STMN2: variants seen among roughly 807,000 people sequenced by gnomAD.
STMN2 encodes stathmin 2, also known as stathmin-2.
STMN2 carries 2 observed loss-of-function variants against 24.1 expected under a neutral mutation model. The observed-to-expected ratio is 0.08, with a 90% confidence interval of 0.03 to 0.26. The LOEUF is 0.26. Among genes scored for constraint, STMN2 ranks in the 10% least tolerant of loss-of-function variants. The probability of loss-of-function intolerance (pLI) is 1.00; values close to 1 mark genes in which losing one functional copy is unlikely to be tolerated. For missense variants in STMN2, 114 were observed against 213.6 expected (o/e 0.53, Z 2.91); for synonymous variants, 83 against 77.5 (o/e 1.07, Z -0.37).
chr8:79,641,235 A>G, intron 2 of STMN2, 143 bp from the exon 3 acceptor site: 2 of 780,682 alleles, frequency 2.6e-6, no homozygotes, highest in South Asian at 1.9e-5. Flanking sequence ...TCTAAACAAC[A>G]TAGAGCAAAT....
At chr8:79,624,629 T>C (rs1247287996) in intron 1 of STMN2, among the ~76,000 whole-genome samples, 1 of 152,166 alleles carries the variant, frequency 6.6e-6, no homozygotes, top group African/African-American at 2.4e-5. Flanking sequence ...CATGAAATTA[T>C]TCTATCCAGA....
chr8:79,641,445 A>G lies in STMN2; in HGVS notation c.183A>G (p.Pro61=), dbSNP rs200902368. 8.6e-5 allele frequency: 139 copies of G among 1,614,144 alleles called. No individual in the cohort carries two copies. The Admixed American group carries it at 2.1e-3, about 25-fold the overall frequency. ...GQAFELILKP[P]SPISEAPRTL... is the part of the protein sequence containing the mutation. ...CTTTTGAGCTGATCTTGAAGCCACCATCTCCTATCTCAGAAGCCCCACGAA... is the reference window on the plus strand; with the variant it reads ...CTTTTGAGCTGATCTTGAAGCCACCGTCTCCTATCTCAGAAGCCCCACGAA... Residue 61 remains proline, a synonymous_variant, in exon 3 of 5, where the codon CCA becomes CCG. Transcript: ENST00000220876.
At chr8:79,654,633 T>G (rs1046608248) in intron 3 of STMN2, among the ~76,000 whole-genome samples, 2 of 152,164 alleles carry the variant, frequency 1.3e-5, no homozygotes, top group Non-Finnish European at 2.9e-5. Flanking sequence ...ATTAAATGCT[T>G]CTTCTTCTAA....
At chr8:79,613,842 G>A (rs1809311733) in intron 1 of STMN2, 3 of 983,722 alleles carry the variant, frequency 3.0e-6, no homozygotes, top group Non-Finnish European at 3.6e-6. Flanking sequence ...TGTTCATGTG[G>A]CTAAGATACA....
intron 1 of STMN2, among the ~76,000 whole-genome samples, chr8:79,630,054 T>C (rs1809762925): frequency 6.6e-6 from 1 of 152,176 alleles, no homozygotes; most frequent in African/African-American, 2.4e-5. Flanking sequence ...AGGTTTGTGG[T>C]ACAAATTGCT....
Position 79,654,585 on chromosome 8 carries a change from A to G in STMN2, c.289-286A>G, listed in dbSNP as rs554524993. Reference sequence around the variant, plus strand: ...CTGTTGCATAAACGCTTAGCAACAAAGCCTTTTTTTAAAAAAATTTGTAAC... The same window carrying G: ...CTGTTGCATAAACGCTTAGCAACAAGGCCTTTTTTTAAAAAAATTTGTAAC... On this transcript the variant is annotated intron_variant, in intron 3 of 4. Coordinates refer to ENST00000220876, the MANE Select transcript of STMN2 (RefSeq NM_007029.4). 1.5e-3 allele frequency among the ~76,000 whole-genome samples: 235 copies of G among 152,330 alleles called. 3 individuals are homozygous for G. Among genetic ancestry groups the G allele is most frequent in the African/African-American group, 5.4e-3 (225 of 41,580 alleles).
intron 1 of STMN2, among the ~76,000 whole-genome samples, chr8:79,633,546 G>A (rs910209199): frequency 6.6e-6 from 1 of 152,208 alleles, no homozygotes; most frequent in Non-Finnish European, 1.5e-5. Flanking sequence ...TCTGAGATCA[G>A]GCCGCCAGAA....
intron 4 of STMN2, 63 bp downstream of exon 4, chr8:79,655,125 C>T (rs2130386170): frequency 6.4e-7 from 1 of 1,567,844 alleles, no homozygotes; most frequent in Middle Eastern, 1.7e-4. Context: ...GGGTGAACTT[C>T]CATATGCCTG....
chr8:79,634,370 G>T (rs540578440), intron 1 of STMN2, among the ~76,000 whole-genome samples: 1 of 152,230 alleles, frequency 6.6e-6, no homozygotes, highest in South Asian at 2.1e-4. Context: ...AATTCCAAAG[G>T]CGTTCAACAA....
At chr8:79,645,884 T>C (rs986774374) in intron 3 of STMN2, among the ~76,000 whole-genome samples, 3 of 152,222 alleles carry the variant, frequency 2.0e-5, no homozygotes, top group Non-Finnish European at 4.4e-5. Flanking sequence ...CATATTAGTA[T>C]ATATATGCAT....
intron 4 of STMN2, among the ~76,000 whole-genome samples, chr8:79,660,651 C>T (rs1453960329): frequency 3.3e-5 from 5 of 151,874 alleles, no homozygotes; most frequent in Admixed American, 6.6e-5. Context: ...ATAATATGTA[C>T]CTGTTTTGTA....
At chr8:79,658,933 AG>A (rs1285091124) in intron 4 of STMN2, among the ~76,000 whole-genome samples, 1 of 152,256 alleles carries the variant, frequency 6.6e-6, no homozygotes, top group Admixed American at 6.5e-5. Flanking sequence ...TGTCTGGAAT[AG>A]GGCCAAGAAC....
At chr8:79,641,628 G>GCACACACACACGCACA in intron 3 of STMN2, 78 bp downstream of exon 3, 1 of 429,980 alleles carries the variant, frequency 2.3e-6, no homozygotes, top group Non-Finnish European at 4.1e-6. Context: ...ACACATGCAC[G>GCACACACACACGCACA]CACACACACA....
chr8:79,642,028 AG>A (rs1810112005), intron 3 of STMN2, among the ~76,000 whole-genome samples: 1 of 152,148 alleles, frequency 6.6e-6, no homozygotes, highest in Non-Finnish European at 1.5e-5. Context: ...ACAAATTACC[AG>A]ATCTTCCCTC....
intron 1 of STMN2, among the ~76,000 whole-genome samples, chr8:79,615,248 A>G (rs137934328): frequency 1.4e-4 from 21 of 152,328 alleles, no homozygotes; most frequent in African/African-American, 5.1e-4. Context: ...ATTATTTTTT[A>G]CTTCAACTGA....
chr8:79,664,937 C>A lies in STMN2; in HGVS notation c.*63C>A. 1.4e-6 allele frequency: 2 copies of A among 1,423,122 alleles called. No homozygotes were observed. The highest frequency in any genetic ancestry group is 1.3e-5 in the South Asian group (1 of 76,074). The allele number at this position is 1,423,122 out of a possible 1,614,324, so 88.2% of individuals were successfully genotyped here. ...TCCCCCTGCCTATATTATAATGGAT[C>A]ATGCGATATCAGGATGGGGAATGTA... On this transcript the variant is annotated 3_prime_UTR_variant, in exon 5 of 5. Coordinates refer to ENST00000220876, the MANE Select transcript of STMN2 (RefSeq NM_007029.4).
intron 4 of STMN2, among the ~76,000 whole-genome samples, chr8:79,656,411 C>T (rs182966852): frequency 3.9e-5 from 6 of 152,292 alleles, no homozygotes; most frequent in South Asian, 2.1e-4. Flanking sequence ...AATGTCATTG[C>T]GTTTCACCCA....
At chr8:79,616,075 C>G (rs1809375809) in intron 1 of STMN2, among the ~76,000 whole-genome samples, 1 of 152,208 alleles carries the variant, frequency 6.6e-6, no homozygotes, top group Non-Finnish European at 1.5e-5. Context: ...ATATCAGAGT[C>G]TCCACCTGCA....
At chr8:79,613,395 C>T (rs1330909554) in intron 1 of STMN2, 1 of 985,296 alleles carries the variant, frequency 1.0e-6, no homozygotes, top group African/African-American at 1.7e-5. Context: ...CGGAGTTGGG[C>T]GCTCGCCCCC....
Sources: allele counts gnomAD v4.1 joint callset (sites outside exome capture counted in the v4.1 genomes callset), GRCh38; gene constraint gnomAD v4.1.1; transcripts MANE v1.5; gene names NCBI Gene and HGNC (gene_info 2026-07-23, HGNC 2026-07-21).